The following LTBP1 variants were observed in gnomAD, a reference collection of about 807,000 sequenced individuals.
The protein encoded by LTBP1 is latent-transforming growth factor beta-binding protein 1.
LTBP1 carries 129 observed loss-of-function variants against 207.6 expected under a neutral mutation model. That is an observed-to-expected ratio of 0.62 (90% CI 0.54 to 0.72). The LOEUF is 0.72. Ranked by LOEUF, LTBP1 falls within the 30% of genes least tolerant of loss-of-function variation. LTBP1 has a pLI of 0.00. For synonymous variants in LTBP1, 963 were observed against 833.7 expected, an observed-to-expected ratio of 1.16 and a Z score of -2.67; for missense variants, 2,281 against 2,217.2, an observed-to-expected ratio of 1.03 and a Z score of -0.58.
intron 23 of LTBP1, among the ~76,000 whole-genome samples, chr2:33,311,808 T>C (rs1347916625): frequency 6.6e-6 from 1 of 152,230 alleles, no homozygotes; most frequent in Admixed American, 6.5e-5. Flanking sequence ...TGGTTTGATA[T>C]CACCTCTCAA....
chr2:33,312,705 C>A (rs568834099), intron 23 of LTBP1, among the ~76,000 whole-genome samples: 2 of 151,886 alleles, frequency 1.3e-5, no homozygotes, highest in East Asian at 3.9e-4. Flanking sequence ...TCTAGGAATT[C>A]ATCTTCAGTT....
At chr2:32,951,662 C>T (rs1677126711) in intron 2 of LTBP1, among the ~76,000 whole-genome samples, 1 of 152,144 alleles carries the variant, frequency 6.6e-6, no homozygotes, top group African/African-American at 2.4e-5. Flanking sequence ...TCAGAAATGA[C>T]TGTGCTAAAA....
intron 7 of LTBP1, among the ~76,000 whole-genome samples, chr2:33,194,948 A>C (rs1251149552): frequency 6.6e-6 from 1 of 152,144 alleles, no homozygotes; most frequent in Non-Finnish European, 1.5e-5. Context: ...TGTTAAATGT[A>C]CTCTGCCTGT....
At chr2:33,120,395 G>A (rs1004003232) in intron 4 of LTBP1, among the ~76,000 whole-genome samples, 3 of 152,090 alleles carry the variant, frequency 2.0e-5, no homozygotes, top group Non-Finnish European at 2.9e-5. Flanking sequence ...GTGTTCATAA[G>A]TTCTTATCAT....
chr2:33,398,186 T>A (rs967754641), intron 33 of LTBP1, among the ~76,000 whole-genome samples, 178 bp from the exon 34 acceptor site: 1 of 152,232 alleles, frequency 6.6e-6, no homozygotes, highest in Non-Finnish European at 1.5e-5. Context: ...AGAACCTCCC[T>A]GATAATCTGC....
intron 7 of LTBP1, among the ~76,000 whole-genome samples, chr2:33,198,907 G>T (rs1316706746): frequency 6.6e-6 from 1 of 152,082 alleles, no homozygotes; most frequent in Admixed American, 6.5e-5. Flanking sequence ...TTTGAGTTCT[G>T]CTCTGATTTT....
At chr2:33,283,510 C>A (rs1030444617) in intron 19 of LTBP1, among the ~76,000 whole-genome samples, 5 of 143,134 alleles carry the variant, frequency 3.5e-5, no homozygotes, top group Non-Finnish European at 7.5e-5. Context: ...CATCTCAGCT[C>A]ACTGCAACCT....
At chr2:33,180,463 T>C (rs2086508966) in intron 5 of LTBP1, among the ~76,000 whole-genome samples, 1 of 151,798 alleles carries the variant, frequency 6.6e-6, no homozygotes, top group African/African-American at 2.4e-5. Flanking sequence ...AGTTTTTTTT[T>C]TTTTTTTTGA....
intron 9 of LTBP1, among the ~76,000 whole-genome samples, chr2:33,236,105 T>A (rs2092035197): frequency 6.6e-6 from 1 of 152,208 alleles, no homozygotes; most frequent in Admixed American, 6.5e-5. Context: ...GTTTTGGAAA[T>A]AATAGTAGAA....
In LTBP1 at chr2:33,103,633, T is replaced by TGTGTGTGTGTGTGTGTG. The variant is rs780868356; in HGVS notation, c.864-6949_864-6948insGTGTGTGTGTGTGTGTG. 1.9e-3 allele frequency among the ~76,000 whole-genome samples: 233 copies of TGTGTGTGTGTGTGTGTG among 123,016 alleles called. 2 individuals are homozygous for TGTGTGTGTGTGTGTGTG. The highest frequency in any genetic ancestry group is 4.9e-3 in the African/African-American group (169 of 34,498). 80.7% of individuals were successfully genotyped at this position (123,016 alleles called of 152,430 possible). On this transcript the variant is annotated intron_variant, in intron 3 of 33. Transcript: ENST00000404816. ...TGTGTGTGTGTGTGTGTGTGAGTGT[T>TGTGTGTGTGTGTGTGTG]ATGCTGCCATGTGGCATCTTCCTAA... is the stretch of plus-strand genomic sequence containing the variant.
chr2:33,387,898 G>C (rs1054639999), intron 31 of LTBP1, among the ~76,000 whole-genome samples: 1 of 152,180 alleles, frequency 6.6e-6, no homozygotes, highest in African/African-American at 2.4e-5. Context: ...CCATTGCCTT[G>C]TGTGACTGCC....
chr2:33,072,373 T>C (rs2077834676), intron 3 of LTBP1, among the ~76,000 whole-genome samples: 1 of 152,110 alleles, frequency 6.6e-6, no homozygotes, highest in African/African-American at 2.4e-5. Flanking sequence ...TGGATAGGCA[T>C]GATTGAAGCA....
At chr2:33,003,047 C>G (rs1467163235) in intron 2 of LTBP1, among the ~76,000 whole-genome samples, 1 of 152,174 alleles carries the variant, frequency 6.6e-6, no homozygotes, top group African/African-American at 2.4e-5. Flanking sequence ...ATAATAAAAG[C>G]TAGCAATGTT....
intron 7 of LTBP1, among the ~76,000 whole-genome samples, chr2:33,198,519 A>G (rs1319120968): frequency 2.0e-5 from 3 of 152,154 alleles, no homozygotes; most frequent in Non-Finnish European, 4.4e-5. Context: ...CTGTGAATCC[A>G]TCTGGTCCTG....
chr2:33,246,576 G>C (rs1298821342), intron 10 of LTBP1, among the ~76,000 whole-genome samples: 1 of 152,088 alleles, frequency 6.6e-6, no homozygotes, highest in Non-Finnish European at 1.5e-5. Context: ...GATGAAGCCT[G>C]CAGGCAAATG....
chr2:33,137,292 C>T (rs989309580), intron 5 of LTBP1, among the ~76,000 whole-genome samples: 3 of 152,084 alleles, frequency 2.0e-5, no homozygotes, highest in Admixed American at 1.3e-4. Flanking sequence ...CAAAAAAGAC[C>T]TATTTGGAAA....
At chr2:33,240,178 A>AGTCT (rs1011452086) in intron 9 of LTBP1, among the ~76,000 whole-genome samples, 14 of 152,182 alleles carry the variant, frequency 9.2e-5, no homozygotes, top group African/African-American at 2.9e-4. Flanking sequence ...ACAGTTGTTA[A>AGTCT]GTCTAAATAG....
chr2:33,163,795 C>T (rs1190818994), intron 5 of LTBP1, among the ~76,000 whole-genome samples: 1 of 152,074 alleles, frequency 6.6e-6, no homozygotes, highest in East Asian at 1.9e-4. Flanking sequence ...ACGTCAAAAT[C>T]ATTGATTTCT....
chr2:33,210,192 G>T (rs1360441607), intron 7 of LTBP1, among the ~76,000 whole-genome samples: 1 of 152,164 alleles, frequency 6.6e-6, no homozygotes, highest in Non-Finnish European at 1.5e-5. Context: ...AAGTCTTTTT[G>T]CTGTGGCTGG....
Sources: gnomAD v4.1 joint callset for allele counts (sites outside exome capture counted in the v4.1 genomes callset) on GRCh38, gnomAD v4.1.1 for gene constraint, MANE v1.5 for transcripts, NCBI Gene and HGNC (gene_info 2026-07-23, HGNC 2026-07-21) for gene names.